INPP4B: variants seen among roughly 807,000 people sequenced by gnomAD.
INPP4B encodes inositol polyphosphate 4-phosphatase type II.
Under a neutral mutation model 122.5 loss-of-function variants are expected in INPP4B, and 55 were observed. The observed-to-expected ratio is 0.45, with a 90% CI of 0.36 to 0.56. The LOEUF (loss-of-function observed/expected upper bound fraction) is 0.56, where lower values mean the gene tolerates loss of function less well. Among genes scored for constraint, INPP4B ranks in the 20% least tolerant of loss-of-function variants. The probability of loss-of-function intolerance (pLI) is 0.00; values close to 1 mark genes in which losing one functional copy is unlikely to be tolerated. For missense variants in INPP4B, 1,000 were observed against 1,097.7 expected (o/e 0.91, Z 1.26); for synonymous variants, 403 against 388.7 (o/e 1.04, Z -0.43).
intron 9 of INPP4B, among the ~76,000 whole-genome samples, chr4:142,291,866 C>A (rs1756620253): frequency 6.6e-6 from 1 of 152,210 alleles, no homozygotes; most frequent in African/African-American, 2.4e-5. Flanking sequence ...CCATGACTAG[C>A]ATTTTTGGAC....
intron 2 of INPP4B, among the ~76,000 whole-genome samples, chr4:142,694,611 T>C (rs943874402): frequency 6.6e-6 from 1 of 152,174 alleles, no homozygotes; most frequent in African/African-American, 2.4e-5. Context: ...ATTGTTTAAC[T>C]TGTCTGTTTT....
At chr4:142,449,137 G>A (rs1813581887) in intron 3 of INPP4B, among the ~76,000 whole-genome samples, 1 of 152,128 alleles carries the variant, frequency 6.6e-6, no homozygotes, top group South Asian at 2.1e-4. Context: ...AGAGTTGTCA[G>A]GGCTCCAGTA....
intron 7 of INPP4B, among the ~76,000 whole-genome samples, chr4:142,401,949 T>C (rs1337695539): frequency 1.3e-5 from 2 of 152,312 alleles, no homozygotes; most frequent in East Asian, 3.9e-4. Flanking sequence ...TTTTTTCCAT[T>C]AAATGTTCCC....
chr4:142,752,824 G>A (rs1017782566), intron 1 of INPP4B, among the ~76,000 whole-genome samples: 1 of 152,062 alleles, frequency 6.6e-6, no homozygotes, highest in African/African-American at 2.4e-5. Context: ...ATCCTGAGAG[G>A]TCTTTGAAGA....
At chr4:142,340,169 G>A (rs1288921088) in intron 7 of INPP4B, among the ~76,000 whole-genome samples, 1 of 152,082 alleles carries the variant, frequency 6.6e-6, no homozygotes, top group Non-Finnish European at 1.5e-5. Context: ...GGTGTCTCTT[G>A]GGAGGGAAAT....
chr4:142,085,238 G>A (rs1776185717), intron 24 of INPP4B, among the ~76,000 whole-genome samples: 1 of 152,184 alleles, frequency 6.6e-6, no homozygotes, highest in African/African-American at 2.4e-5. Context: ...GAAAGTAAGT[G>A]ATATTGAATT....
At chr4:142,401,452 T>C (rs920400937) in intron 7 of INPP4B, among the ~76,000 whole-genome samples, 2 of 152,188 alleles carry the variant, frequency 1.3e-5, no homozygotes, top group African/African-American at 4.8e-5. Flanking sequence ...TTTTACCTTT[T>C]TTGTTCAAAG....
At chr4:142,241,730 T>A (rs919041227) in intron 11 of INPP4B, among the ~76,000 whole-genome samples, 5 of 152,330 alleles carry the variant, frequency 3.3e-5, no homozygotes, top group African/African-American at 1.2e-4. Flanking sequence ...TTCTCTTTGC[T>A]GTTTCTGTAA....
At chr4:142,612,037 A>G (rs538286328) in intron 2 of INPP4B, among the ~76,000 whole-genome samples, 3 of 152,140 alleles carry the variant, frequency 2.0e-5, no homozygotes, top group Admixed American at 2.0e-4. Context: ...TACATGCATT[A>G]TTTTTTTGGA....
chr4:142,444,732 A>G (rs1414590016), intron 3 of INPP4B, among the ~76,000 whole-genome samples: 1 of 152,166 alleles, frequency 6.6e-6, no homozygotes, highest in African/African-American at 2.4e-5. Context: ...AGCACTATTC[A>G]CAATAGCAAA....
chr4:142,412,358 C>T (rs914468956), intron 5 of INPP4B, among the ~76,000 whole-genome samples: 5 of 151,770 alleles, frequency 3.3e-5, no homozygotes, highest in African/African-American at 1.2e-4. Flanking sequence ...TTTATTCTTC[C>T]TTCCCCTCAA....
intron 2 of INPP4B, among the ~76,000 whole-genome samples, chr4:142,597,917 A>AAAAAC (rs1405142876): frequency 3.9e-5 from 6 of 152,204 alleles, no homozygotes; most frequent in African/African-American, 1.4e-4. Context: ...TTCTAGTATA[A>AAAAAC]AAAACAAAAC....
intron 8 of INPP4B, among the ~76,000 whole-genome samples, chr4:142,306,262 A>C (rs1176825485): frequency 6.6e-6 from 1 of 151,684 alleles, no homozygotes; most frequent in East Asian, 1.9e-4. Flanking sequence ...CCAGGATAAA[A>C]AACCTATCAT....
At position 142,260,574 on chromosome 4, in the gene INPP4B, A is replaced by T; in HGVS notation, c.616-10T>A. On this transcript the variant is annotated splice_polypyrimidine_tract_variant and intron_variant, in intron 10 of 25. Coordinates refer to ENST00000262992, the MANE Select transcript of INPP4B (RefSeq NM_001101669.3). ...CACATACCAGGGCACACTAGGAAAA[A>T]ATGTAAAAAAAAAAAAAAAATTTTG... The T allele has an allele frequency of 6.5e-7, 1 of 1,527,508 alleles. No individual in the cohort carries two copies. Among genetic ancestry groups the T allele is most frequent in the Non-Finnish European group, 8.8e-7 (1 of 1,132,130 alleles). 94.6% of individuals were successfully genotyped at this position (1,527,508 alleles called of 1,614,324 possible). A position where few individuals can be genotyped will look rare whatever the true frequency, so the allele number is the denominator to read the frequency against.
In INPP4B at chr4:142,024,956, G is replaced by A. The variant is rs943914198; in HGVS notation, c.*3826C>T. 1 of 151,878 alleles carries A rather than the reference G, an allele frequency of 6.6e-6. No homozygotes were observed. The highest frequency in any genetic ancestry group is 2.4e-5 in the African/African-American group (1 of 41,326). The allele number at this position is 151,878 out of a possible 1,614,324, so 9.4% of individuals were successfully genotyped here. A position where few individuals can be genotyped will look rare whatever the true frequency, so the allele number is the denominator to read the frequency against. ...ATCAAATATGACTTTTAACCTAATA[G>A]GAGTCTTTAAAGAAGGTAAAAACCA... On this transcript the variant is annotated 3_prime_UTR_variant, in exon 26 of 26. Coordinates refer to ENST00000262992, the MANE Select transcript of INPP4B (RefSeq NM_001101669.3).
rs910847252 is a variant in INPP4B, at chr4:142,252,219, C to T, written c.688+8273G>A. On this transcript the variant is annotated intron_variant, in intron 11 of 25. Coordinates refer to ENST00000262992, the MANE Select transcript of INPP4B (RefSeq NM_001101669.3). Reference sequence around the variant, plus strand: ...TTTTTTTTTTTTTGAGACGGAGTCTCGCTCTGTCGCCCAGGCTGGAGTGCA... The same window carrying T: ...TTTTTTTTTTTTTGAGACGGAGTCTTGCTCTGTCGCCCAGGCTGGAGTGCA... 6.3e-5 allele frequency among the ~76,000 whole-genome samples: 9 copies of T among 142,120 alleles called. No individual in the cohort carries two copies. The South Asian group carries it at 6.7e-4, about 11-fold the overall frequency. The allele number at this position is 142,120 out of a possible 152,430, so 93.2% of individuals were successfully genotyped here. A position where few individuals can be genotyped will look rare whatever the true frequency, so the allele number is the denominator to read the frequency against.
At chr4:142,472,367 T>C (rs1818998198) in intron 2 of INPP4B, among the ~76,000 whole-genome samples, 1 of 151,860 alleles carries the variant, frequency 6.6e-6, no homozygotes, top group Admixed American at 6.6e-5. Context: ...CCATCTGCTA[T>C]TTCAATTACC....
At chr4:142,596,964 G>A (rs996468108) in intron 2 of INPP4B, among the ~76,000 whole-genome samples, 9 of 152,266 alleles carry the variant, frequency 5.9e-5, no homozygotes, top group African/African-American at 1.4e-4. Flanking sequence ...ACCCTCAAAC[G>A]AGCAACATCT....
intron 21 of INPP4B, among the ~76,000 whole-genome samples, chr4:142,121,529 C>T (rs1457564076): frequency 6.6e-6 from 1 of 151,876 alleles, no homozygotes; most frequent in Non-Finnish European, 1.5e-5. Flanking sequence ...TAAGATGTAC[C>T]TCTTCTATTG....
Sources: allele counts gnomAD v4.1 joint callset (sites outside exome capture counted in the v4.1 genomes callset), GRCh38; gene constraint gnomAD v4.1.1; transcripts MANE v1.5; gene names NCBI Gene and HGNC (gene_info 2026-07-23, HGNC 2026-07-21).